The following RUBCNL variants were observed in gnomAD, a reference collection of about 807,000 sequenced individuals.
The protein encoded by RUBCNL is protein associated with UVRAG as autophagy enhancer.
RUBCNL carries 62 observed loss-of-function variants against 69.5 expected under a neutral mutation model. That is an observed-to-expected ratio of 0.89 (90% CI 0.73 to 1.10). The LOEUF is 1.10. Among genes scored for constraint, RUBCNL ranks in the 50% least tolerant of loss-of-function variants. The probability of loss-of-function intolerance (pLI) is 0.00; values close to 1 mark genes in which losing one functional copy is unlikely to be tolerated. For missense variants in RUBCNL, 768 were observed against 798.1 expected (o/e 0.96, Z 0.45); for synonymous variants, 291 against 303.6 (o/e 0.96, Z 0.43).
chr13:46,361,424 T>A lies in RUBCNL; in HGVS notation c.1119+17A>T. 1 of 1,593,394 alleles carries A rather than the reference T, an allele frequency of 6.3e-7. No individual in the cohort carries two copies. Among genetic ancestry groups the A allele is most frequent in the Non-Finnish European group, 8.6e-7 (1 of 1,166,872 alleles). ...TTAGGAACTTTCAATTCAAGGTCAA[T>A]TTTTTTTGATACTTACTATCGAGCC... On this transcript the variant is annotated intron_variant, in intron 8 of 14. Transcript: ENST00000429979.
intron 10 of RUBCNL, among the ~76,000 whole-genome samples, chr13:46,352,728 C>T (rs1434488881): frequency 2.6e-5 from 4 of 152,054 alleles, no homozygotes; most frequent in South Asian, 4.1e-4. Context: ...TGCTTGAACC[C>T]GGGAGGCAGA....
At chr13:46,365,863 C>A (rs1289667357) in intron 5 of RUBCNL, among the ~76,000 whole-genome samples, 1 of 152,144 alleles carries the variant, frequency 6.6e-6, no homozygotes, top group Non-Finnish European at 1.5e-5. Flanking sequence ...CAGATACATG[C>A]AGGATCAACT....
intron 1 of RUBCNL, 120 bp from the exon 2 acceptor site, chr13:46,378,125 C>G: frequency 1.7e-6 from 1 of 571,896 alleles, no homozygotes; most frequent in Non-Finnish European, 3.0e-6. Flanking sequence ...TACTGAGCAT[C>G]TACTACAGGT....
Position 46,335,256 on chromosome 13 carries a change from TG to T in RUBCNL, c.*8128del, listed in dbSNP as rs1170463956. Among the ~76,000 whole-genome samples the T allele has an allele frequency of 1.7e-3, 194 of 112,916 alleles. 1 individual carries two copies. Among genetic ancestry groups the T allele is most frequent in the South Asian group, 5.9e-3 (20 of 3,364 alleles). The allele number at this position is 112,916 out of a possible 152,430, so 74.1% of individuals were successfully genotyped here. A position where few individuals can be genotyped will look rare whatever the true frequency, so the allele number is the denominator to read the frequency against. ...ATTTGTGTCTTTTTGTTGTTGTTGT[TG>T]TTGTTTTTTTTTTTTTTTTTTTTTT... On this transcript the variant is annotated 3_prime_UTR_variant, in exon 15 of 15. Transcript: ENST00000429979.
rs192517569 is a variant in RUBCNL, at chr13:46,338,866, G to A, written c.*4519C>T. On this transcript the variant is annotated 3_prime_UTR_variant, in exon 15 of 15. Transcript: ENST00000429979. ...CTGAGACCAGCCTGGCCAACATGGC[G>A]AAACCCCGTCTCTACCAAAAACAGA... Among the ~76,000 whole-genome samples the A allele has an allele frequency of 3.9e-4, 60 of 152,128 alleles. No individual in the cohort carries two copies. Among genetic ancestry groups the A allele is most frequent in the African/African-American group, 1.1e-3 (46 of 41,504 alleles).
intron 5 of RUBCNL, among the ~76,000 whole-genome samples, chr13:46,367,347 T>C (rs259705): frequency 0.6 from 91,786 of 151,884 alleles, 30,928 homozygotes; most frequent in African/African-American, 0.9. Flanking sequence ...CATTACTGAA[T>C]GAAAAAAAGA....
intron 3 of RUBCNL, among the ~76,000 whole-genome samples, chr13:46,371,619 C>G (rs1055768466): frequency 5.9e-5 from 9 of 152,236 alleles, no homozygotes; most frequent in Non-Finnish European, 1.3e-4. Context: ...AACCTCCACA[C>G]TGACTTGAGA....
intron 8 of RUBCNL, among the ~76,000 whole-genome samples, chr13:46,361,006 T>A (rs2048597093): frequency 1.3e-5 from 2 of 152,170 alleles, no homozygotes; most frequent in African/African-American, 4.8e-5. Flanking sequence ...GGCAGATCAC[T>A]TGAGGTCAGG....
intron 14 of RUBCNL, among the ~76,000 whole-genome samples, 183 bp from the exon 15 acceptor site, chr13:46,343,680 ACTCT>A (rs2048182261): frequency 6.6e-6 from 1 of 151,866 alleles, no homozygotes; most frequent in South Asian, 2.1e-4. Flanking sequence ...GACCTGTTGG[ACTCT>A]TCCAACAGGT....
rs1218430668 is a variant in RUBCNL at position 46,335,426 on chromosome 13, A to C, written c.*7959T>G. Among the ~76,000 whole-genome samples the C allele has an allele frequency of 6.6e-6, 1 of 152,002 alleles. No individual in the cohort carries two copies. The highest frequency in any genetic ancestry group is 1.5e-5 in the Non-Finnish European group (1 of 67,998). ...CAACTTAATTTTAAATTAAGTCTTC[A>C]GAGGGTTTAATCCACGGAGATAGAC... On this transcript the variant is annotated 3_prime_UTR_variant, in exon 15 of 15. Transcript: ENST00000429979.
At chr13:46,365,490 C>T (rs1262558458) in intron 5 of RUBCNL, among the ~76,000 whole-genome samples, 1 of 152,102 alleles carries the variant, frequency 6.6e-6, no homozygotes, top group Non-Finnish European at 1.5e-5. Flanking sequence ...TGGAGCACAA[C>T]CTGTGTTTCA....
intron 1 of RUBCNL, among the ~76,000 whole-genome samples, chr13:46,379,142 T>C (rs1366695091): frequency 6.6e-6 from 1 of 152,176 alleles, no homozygotes; most frequent in Admixed American, 6.5e-5. Flanking sequence ...CCAGGCACAA[T>C]CTCGGCTCAC....
intron 10 of RUBCNL, 130 bp downstream of exon 10, chr13:46,356,302 C>A: frequency 1.2e-6 from 1 of 852,638 alleles, no homozygotes; most frequent in African/African-American, 1.7e-5. Flanking sequence ...AAAAGGAGGG[C>A]AACTTCTCTG....
At chr13:46,387,095 G>C (rs1046736946) in intron 1 of RUBCNL, 39 bp downstream of exon 1, 1 of 985,130 alleles carries the variant, frequency 1.0e-6, no homozygotes, top group Admixed American at 6.2e-5. Flanking sequence ...TCTCCACCCC[G>C]CGCCGCTCCC....
intron 5 of RUBCNL, among the ~76,000 whole-genome samples, chr13:46,363,588 T>G (rs1185510820): frequency 6.6e-6 from 1 of 152,100 alleles, no homozygotes; most frequent in Non-Finnish European, 1.5e-5. Context: ...GGCAGGGGCG[T>G]GCACTTGTAG....
intron 2 of RUBCNL, 44 bp downstream of exon 2, chr13:46,377,846 G>A: frequency 1.8e-6 from 2 of 1,111,948 alleles, no homozygotes; most frequent in Non-Finnish European, 2.7e-6. Context: ...GGTCACAGCT[G>A]GGCAGTGGCA....
At chr13:46,378,093 ATTCAG>A (rs1303212370) in intron 1 of RUBCNL, 88 bp from the exon 2 acceptor site, 4 of 682,714 alleles carry the variant, frequency 5.9e-6, no homozygotes, top group Non-Finnish European at 7.1e-6. Flanking sequence ...TGTGTTAGTT[ATTCAG>A]TTAAGAAATA....
intron 1 of RUBCNL, among the ~76,000 whole-genome samples, chr13:46,386,208 T>C (rs747143058): frequency 1.8e-4 from 28 of 151,810 alleles, no homozygotes; most frequent in Middle Eastern, 3.4e-3. Flanking sequence ...ATGGCTGGAG[T>C]ATTCTCCCCC....
intron 10 of RUBCNL, among the ~76,000 whole-genome samples, chr13:46,356,050 T>C (rs2048476843): frequency 1.3e-5 from 2 of 152,076 alleles, no homozygotes. Context: ...CCTCGTGACT[T>C]TGGAGTGAAA....
Sources: gnomAD v4.1 joint callset for allele counts (sites outside exome capture counted in the v4.1 genomes callset) on GRCh38, gnomAD v4.1.1 for gene constraint, MANE v1.5 for transcripts, NCBI Gene and HGNC (gene_info 2026-07-23, HGNC 2026-07-21) for gene names.